The following GLYATL2 variants were observed in gnomAD, a reference collection of about 807,000 sequenced individuals.
GLYATL2 encodes glycine N-acyltransferase-like protein 2.
Under a neutral mutation model 21.4 loss-of-function variants are expected in GLYATL2, and 25 were observed. The ratio of observed to expected loss-of-function variants is 1.17; its 90% CI spans 0.85 to 1.63. GLYATL2 has a LOEUF of 1.63. Ranked by LOEUF, GLYATL2 falls within the 40% of genes most tolerant of loss-of-function variation. The probability of loss-of-function intolerance (pLI) is 0.00; values close to 1 mark genes in which losing one functional copy is unlikely to be tolerated. For synonymous variants in GLYATL2, 114 were observed against 118.2 expected (o/e 0.96, Z 0.23); for missense variants, 361 against 343.3 (o/e 1.05, Z -0.41).
intron 1 of GLYATL2, chr11:58,885,361 T>C (rs1854417513): frequency 3.1e-6 from 1 of 318,034 alleles, no homozygotes; most frequent in African/African-American, 2.1e-5. Context: ...TCCGTTTTTC[T>C]CTTCCTCTTC....
rs191047613 is a variant in GLYATL2 at position 58,854,720 on chromosome 11, C to G, written n.61-16352G>C. On this transcript the variant is annotated intron_variant and non_coding_transcript_variant, in intron 1 of 4. Coordinates refer to the GLYATL2 transcript ENST00000533636. ...AAAATGCTATTTGGTAGCATTTTAC[C>G]CACAGTAAAACTTCATTCAAAATTG... Among the ~76,000 whole-genome samples the G allele has an allele frequency of 2.6e-3, 393 of 152,256 alleles. 3 individuals carry two copies. Among genetic ancestry groups the G allele is most frequent in the African/African-American group, 9.1e-3 (379 of 41,540 alleles).
At chr11:58,836,656 G>A (rs1181881485) in intron 5 of GLYATL2, among the ~76,000 whole-genome samples, 1 of 151,938 alleles carries the variant, frequency 6.6e-6, no homozygotes, top group Non-Finnish European at 1.5e-5. Context: ...ACCTAGCAAG[G>A]GAACCCAAGT....
intron 1 of GLYATL2, among the ~76,000 whole-genome samples, chr11:58,854,654 A>G (rs549028408): frequency 7.5e-4 from 113 of 150,358 alleles, no homozygotes; most frequent in African/African-American, 2.7e-3. Context: ...AGCTTGTTGC[A>G]TTGATTAACT....
At chr11:58,890,060 G>A (rs962425977) in intron 1 of GLYATL2, among the ~76,000 whole-genome samples, 1 of 151,990 alleles carries the variant, frequency 6.6e-6, no homozygotes. Context: ...CCCTGGTAGT[G>A]AGCATATACC....
chr11:58,860,030 C>A (rs1853903288), intron 1 of GLYATL2, among the ~76,000 whole-genome samples: 1 of 152,038 alleles, frequency 6.6e-6, no homozygotes, highest in Non-Finnish European at 1.5e-5. Flanking sequence ...CTTCATAGTA[C>A]ATTTTGAAGT....
intron 1 of GLYATL2, among the ~76,000 whole-genome samples, chr11:58,899,034 A>T (rs1050985522): frequency 6.6e-6 from 1 of 152,116 alleles, no homozygotes; most frequent in African/African-American, 2.4e-5. Context: ...TTTTAGGATG[A>T]CCAAATTTAA....
intron 1 of GLYATL2, among the ~76,000 whole-genome samples, chr11:58,860,980 C>T (rs541938160): frequency 7.9e-5 from 12 of 152,148 alleles, no homozygotes; most frequent in African/African-American, 2.9e-4. Context: ...TTTTGACATG[C>T]TGTTGAGATT....
chr11:58,857,845 T>A (rs1187971350), intron 1 of GLYATL2, among the ~76,000 whole-genome samples: 2 of 142,082 alleles, frequency 1.4e-5, no homozygotes, highest in South Asian at 4.4e-4. Context: ...GTTGCCTGTC[T>A]CCTGACTTAC....
At position 58,885,134 on chromosome 11, in the gene GLYATL2, C is replaced by G. The variant is rs79699996; in HGVS notation, n.60+19022G>C. ...AAATGGGAATAATATTAGCACCTAC[C>G]TCTTAAAATTGTTGTGAACACTGAA... On this transcript the variant is annotated intron_variant and non_coding_transcript_variant, in intron 1 of 4. Coordinates refer to the GLYATL2 transcript ENST00000533636. The G allele has an allele frequency of 8.0e-3, 1,222 of 153,430 alleles. 45 individuals are homozygous for G. The East Asian group carries it at 0.093, about 12-fold the overall frequency. The allele number at this position is 153,430 out of a possible 1,614,324, so 9.5% of individuals were successfully genotyped here.
chr11:58,893,220 G>T, intron 1 of GLYATL2: 1 of 296,846 alleles, frequency 3.4e-6, no homozygotes, highest in Admixed American at 5.1e-5. Flanking sequence ...GGATAACCAT[G>T]GACTCTTCTT....
At chr11:58,894,160 T>G (rs1224376096) in intron 1 of GLYATL2, among the ~76,000 whole-genome samples, 1 of 152,186 alleles carries the variant, frequency 6.6e-6, no homozygotes. Flanking sequence ...CAAGTATGGT[T>G]ATAAGTTCAG....
At chr11:58,909,186 T>C (rs1854979951), upstream of GLYATL2, among the ~76,000 whole-genome samples, 1 of 152,184 alleles carries the variant, frequency 6.6e-6, no homozygotes, top group Non-Finnish European at 1.5e-5. Flanking sequence ...TAATGAATAA[T>C]AAATCTAAAA....
intron 1 of GLYATL2, among the ~76,000 whole-genome samples, chr11:58,842,639 T>C (rs1853575021): frequency 1.3e-5 from 2 of 151,896 alleles, no homozygotes; most frequent in South Asian, 4.2e-4. Context: ...GAAAAATGAA[T>C]GAATGAATGA....
At chr11:58,851,993 G>A (rs1853750108) in intron 1 of GLYATL2, among the ~76,000 whole-genome samples, 1 of 152,062 alleles carries the variant, frequency 6.6e-6, no homozygotes, top group African/African-American at 2.4e-5. Flanking sequence ...TGAGAAGGCT[G>A]GCATCTGAGT....
chr11:58,869,271 T>C (rs1854074608), intron 1 of GLYATL2, among the ~76,000 whole-genome samples: 1 of 152,196 alleles, frequency 6.6e-6, no homozygotes, highest in Non-Finnish European at 1.5e-5. Flanking sequence ...GGCTCCAGTA[T>C]AGTTTGGAAT....
chr11:58,865,930 C>G (rs1032295322), intron 1 of GLYATL2, among the ~76,000 whole-genome samples: 1 of 149,004 alleles, frequency 6.7e-6, no homozygotes, highest in African/African-American at 2.4e-5. Flanking sequence ...TTCTGATTTT[C>G]TCTTCTTTAG....
intron 1 of GLYATL2, among the ~76,000 whole-genome samples, chr11:58,856,597 T>C (rs1853831459): frequency 6.6e-6 from 1 of 152,090 alleles, no homozygotes; most frequent in African/African-American, 2.4e-5. Flanking sequence ...CATTGTATGG[T>C]TTATAACTGG....
upstream of GLYATL2, among the ~76,000 whole-genome samples, chr11:58,904,372 C>T (rs1057005899): frequency 1.3e-5 from 2 of 152,060 alleles, no homozygotes; most frequent in East Asian, 1.9e-4. Flanking sequence ...TTCATATGGC[C>T]GACCAGGTGC....
chr11:58,836,966 A>G (rs1374088133), intron 5 of GLYATL2, 49 bp downstream of exon 5: 3 of 1,530,078 alleles, frequency 2.0e-6, no homozygotes, highest in Non-Finnish European at 2.7e-6. Flanking sequence ...CTTTGTGGCA[A>G]CTCAGTAATT....
Sources: gnomAD v4.1 joint callset for allele counts (sites outside exome capture counted in the v4.1 genomes callset) on GRCh38, gnomAD v4.1.1 for gene constraint, MANE v1.5 for transcripts, NCBI Gene and HGNC (gene_info 2026-07-23, HGNC 2026-07-21) for gene names.